Variants in WDR18 observed in about 807,000 individuals in gnomAD.
WDR18 encodes WD repeat domain 18.
A neutral mutation model predicts 49.6 loss-of-function variants in WDR18; 33 were observed. The ratio of observed to expected loss-of-function variants is 0.67; its 90% CI spans 0.50 to 0.89. The LOEUF (loss-of-function observed/expected upper bound fraction) is 0.89, where lower values mean the gene tolerates loss of function less well. Among genes scored for constraint, WDR18 ranks in the 40% least tolerant of loss-of-function variants. WDR18 has a pLI of 0.00. For synonymous variants in WDR18, 315 were observed against 263.6 expected, an observed-to-expected ratio of 1.19 and a Z score of -1.89; for missense variants, 653 against 593.6, an observed-to-expected ratio of 1.10 and a Z score of -1.04.
In WDR18 at chr19:994,367, G is replaced by A; in HGVS notation, c.*23G>A. 1 of 1,594,228 alleles carries A rather than the reference G, an allele frequency of 6.3e-7. No homozygotes were observed. Among genetic ancestry groups the A allele is most frequent in the South Asian group, 1.1e-5 (1 of 88,988 alleles). ...TGAGGCCCGGAGACCCCGGCCCGAG[G>A]CGCCCAGGCCTGAGCCCCATGCCTC... is the stretch of plus-strand genomic sequence containing the variant. On this transcript the variant is annotated 3_prime_UTR_variant, in exon 10 of 10. Transcript: ENST00000585809.
chr19:993,005 G>A (rs370847617), intron 8 of WDR18, among the ~76,000 whole-genome samples: 3 of 152,226 alleles, frequency 2.0e-5, no homozygotes, highest in Admixed American at 6.5e-5. Context: ...TCCCTTGTCC[G>A]TGCTTCCTCA....
In WDR18 at chr19:994,056, C is replaced by T. The variant is rs1460913911; in HGVS notation, c.1135C>T (p.Leu379=). 1.9e-6 allele frequency: 3 copies of T among 1,560,996 alleles called. No individual in the cohort carries two copies. The African/African-American group carries it at 4.1e-5, about 21-fold the overall frequency. The change falls in exon 9 of 10, where the codon CTG becomes TTG. Residue 379 remains leucine, a synonymous_variant. Coordinates refer to ENST00000585809, the MANE Select transcript of WDR18 (RefSeq NM_024100.4). ...CAGCTACCTGGACCGCACGGAGCAG[C>T]TGCAGGCCGTCCTGTGCAGCACCAT... ...EPSYLDRTEQ[L]QAVLCSTMEK...
At chr19:989,122 AACC>A (rs1568384640) in intron 2 of WDR18, among the ~76,000 whole-genome samples, 3 of 47,106 alleles carry the variant, frequency 6.4e-5, no homozygotes, top group South Asian at 1.0e-3. Context: ...CGAACCCACA[AACC>A]CCCCCAAGAG....
chr19:991,293 G>C lies in WDR18; in HGVS notation c.873G>C (p.Glu291Asp). The C allele has an allele frequency of 1.9e-6, 3 of 1,563,586 alleles. No individual in the cohort carries two copies. The highest frequency in any genetic ancestry group is 2.4e-5 in the East Asian group (1 of 42,040). ...GSVLLSGSHD[E>D]TVRLWDVQSK... ...TGCTGCTCTCAGGCTCCCACGACGA[G>C]ACCGTGCGCCTCTGGGACGTGCAGA... Residue 291 changes from glutamate (E) to aspartate (D), a missense_variant, in exon 7 of 10, where the codon GAG (glutamate) becomes GAC (aspartate). By Grantham distance (45) the Glu-to-Asp change is conservative. Coordinates refer to ENST00000585809, the MANE Select transcript of WDR18 (RefSeq NM_024100.4).
intron 1 of WDR18, among the ~76,000 whole-genome samples, chr19:984,927 G>A (rs769684723): frequency 7.9e-5 from 12 of 152,152 alleles, no homozygotes; most frequent in Non-Finnish European, 1.6e-4. Flanking sequence ...GGAAAAGGGA[G>A]AAGGACCAAG....
chr19:983,162 G>A (rs2038435728), upstream of WDR18, among the ~76,000 whole-genome samples: 1 of 152,176 alleles, frequency 6.6e-6, no homozygotes, highest in Non-Finnish European at 1.5e-5. Context: ...CTGTTTTTAG[G>A]CCGGACGTTG....
upstream of WDR18, chr19:984,268 C>T (rs542186801): frequency 1.5e-6 from 2 of 1,333,004 alleles, no homozygotes; most frequent in Admixed American, 4.0e-5. Context: ...CCGCTGGGGC[C>T]GCGGGGCCGC....
At position 990,373 on chromosome 19, in the gene WDR18, C is replaced by T; in HGVS notation, c.597+9C>T. On this transcript the variant is annotated intron_variant, in intron 4 of 9. Transcript: ENST00000585809. ...TGGACCAGACGGTGAAGGTACGCCG[C>T]CCCCACCCCACCACGGTCCATGAGC... 7.2e-6 allele frequency: 11 copies of T among 1,536,082 alleles called. No individual in the cohort carries two copies. Among genetic ancestry groups the T allele is most frequent in the Non-Finnish European group, 9.6e-6 (11 of 1,147,910 alleles).
Position 994,293 on chromosome 19 carries a change from T to C in WDR18, c.1248T>C (p.Asn416=), listed in dbSNP as rs762347583. The part of the protein sequence containing the change: ...EDEVRNLRKI[N]RDLFDFSTRF... ...AGGTGCGCAACCTGCGCAAGATCAATCGGGACCTGTTCGACTTCTCCACGC... is the reference window on the plus strand; with the variant it reads ...AGGTGCGCAACCTGCGCAAGATCAACCGGGACCTGTTCGACTTCTCCACGC... Residue 416 remains asparagine (N), a synonymous_variant, in exon 10 of 10, where the codon AAT becomes AAC. Coordinates refer to ENST00000585809, the MANE Select transcript of WDR18 (RefSeq NM_024100.4). The C allele has an allele frequency of 9.9e-6, 16 of 1,611,186 alleles. No individual in the cohort carries two copies. The South Asian group carries it at 1.7e-4, about 17-fold the overall frequency.
chr19:991,389 G>A, intron 7 of WDR18, 38 bp downstream of exon 7: 1 of 1,516,918 alleles, frequency 6.6e-7, no homozygotes, highest in South Asian at 1.2e-5. Flanking sequence ...CCAGCGCGCA[G>A]GGGAAAAAGC....
Position 994,062 on chromosome 19 carries a change from G to A in WDR18, c.1141G>A (p.Ala381Thr). ...CCTGGACCGCACGGAGCAGCTGCAGGCCGTCCTGTGCAGCACCATGGAGAA... is the reference window on the plus strand; with the variant it reads ...CCTGGACCGCACGGAGCAGCTGCAGACCGTCCTGTGCAGCACCATGGAGAA... ...SYLDRTEQLQ[A>T]VLCSTMEKSV... The change falls in exon 9 of 10, where the codon GCC becomes ACC. Residue 381 changes from alanine to threonine, a missense_variant. Transcript: ENST00000585809. The A allele has an allele frequency of 6.4e-7, 1 of 1,560,336 alleles. No homozygotes were observed. The highest frequency in any genetic ancestry group is 8.7e-7 in the Non-Finnish European group (1 of 1,153,658).
At chr19:993,907 A>AC (rs2038594672) in intron 8 of WDR18, 113 bp from the exon 9 acceptor site, 2 of 1,192,058 alleles carry the variant, frequency 1.7e-6, no homozygotes, top group African/African-American at 1.5e-5. Flanking sequence ...TGTGGGCGTC[A>AC]CGGTGGCCCC....
At chr19:990,600 T>C in intron 4 of WDR18, 2 of 804,734 alleles carry the variant, frequency 2.5e-6, no homozygotes, top group South Asian at 2.1e-5. Flanking sequence ...TCGGAGGTCA[T>C]CACTATGCTT....
At chr19:984,224 C>T (rs557902161), upstream of WDR18, 6 of 987,116 alleles carry the variant, frequency 6.1e-6, no homozygotes, top group South Asian at 9.6e-5. Flanking sequence ...AAGCCCCTCT[C>T]TCCGAGGCAC....
intron 1 of WDR18, among the ~76,000 whole-genome samples, chr19:985,207 T>C (rs4806886): frequency 0.48 from 72,661 of 152,062 alleles, 17,753 homozygotes; most frequent in Non-Finnish European, 0.53. Context: ...ACTCTGTCGC[T>C]GAGGCTGGAG....
Position 994,349 on chromosome 19 carries a change from C to A in WDR18, c.*5C>A. On this transcript the variant is annotated 3_prime_UTR_variant, in exon 10 of 10. Transcript: ENST00000585809. ...ATCACGCGGCCGGCCAAGTGAGGCC[C>A]GGAGACCCCGGCCCGAGGCGCCCAG... 1 of 1,606,086 alleles carries A rather than the reference C, an allele frequency of 6.2e-7. No individual in the cohort carries two copies. Among genetic ancestry groups the A allele is most frequent in the East Asian group, 2.2e-5 (1 of 44,624 alleles).
chr19:991,830 CGTGGACTGGCTGT>C (rs1177725700), intron 7 of WDR18, 112 bp from the exon 8 acceptor site: 3 of 952,802 alleles, frequency 3.1e-6, no homozygotes, highest in Admixed American at 6.6e-5. Context: ...TGGCTGGGGG[CGTGGACTGGCTGT>C]GGGGCGGGGA....
At chr19:989,705 C>T (rs942733001) in intron 2 of WDR18, 57 bp from the exon 3 acceptor site, 1 of 1,601,786 alleles carries the variant, frequency 6.2e-7, no homozygotes, top group African/African-American at 1.3e-5. Flanking sequence ...GCTGCAGCCC[C>T]CCTTTCCTCC....
intron 2 of WDR18, 65 bp from the exon 3 acceptor site, chr19:989,697 T>C: frequency 8.8e-6 from 14 of 1,595,354 alleles, no homozygotes; most frequent in Non-Finnish European, 1.2e-5. Context: ...TTCCTGGGGC[T>C]GCAGCCCCCC....
Sources: allele counts gnomAD v4.1 joint callset (sites outside exome capture counted in the v4.1 genomes callset), GRCh38; gene constraint gnomAD v4.1.1; transcripts MANE v1.5; gene names NCBI Gene and HGNC (gene_info 2026-07-23, HGNC 2026-07-21).